Variants in SOAT2 observed in about 807,000 individuals in gnomAD.
SOAT2 encodes ACAT-2.
In SOAT2, 87 loss-of-function variants were observed where a neutral mutation model predicts 76.0. The ratio of observed to expected loss-of-function variants is 1.14; its 90% CI spans 0.96 to 1.37. SOAT2 has a LOEUF of 1.37. Among genes scored for constraint, SOAT2 ranks in the 40% most tolerant of loss-of-function variants. The pLI, the probability that SOAT2 is intolerant of heterozygous loss-of-function variation, is 0.00. For synonymous variants in SOAT2, 285 were observed against 275.4 expected (o/e 1.03, Z -0.34); for missense variants, 686 against 682.1 (o/e 1.01, Z -0.06).
chr12:53,121,794 T>TC (rs1491570041), intron 12 of SOAT2, among the ~76,000 whole-genome samples: 1 of 60,046 alleles, frequency 1.7e-5, no homozygotes, highest in Admixed American at 1.5e-4. Context: ...AGTAGCATGC[T>TC]TTTTTTTTTT....
At chr12:53,118,525 C>G in intron 8 of SOAT2, 91 bp downstream of exon 8, 1 of 870,774 alleles carries the variant, frequency 1.1e-6, no homozygotes, top group Non-Finnish European at 1.9e-6. Context: ...AGGCTCACCT[C>G]AGGCACTGGC....
At chr12:53,105,357 T>G in intron 3 of SOAT2, 114 bp downstream of exon 3, 4 of 1,371,106 alleles carry the variant, frequency 2.9e-6, no homozygotes, top group South Asian at 2.8e-5. Context: ...GCCTTCCCTC[T>G]TCCCCCCTTG....
chr12:53,115,873 A>T (rs1402319458), intron 6 of SOAT2, among the ~76,000 whole-genome samples: 5 of 152,234 alleles, frequency 3.3e-5, no homozygotes, highest in Non-Finnish European at 5.9e-5. Flanking sequence ...CCATCACAGG[A>T]GGTTGACCGG....
intron 2 of SOAT2, among the ~76,000 whole-genome samples, chr12:53,104,464 G>A (rs911551275): frequency 6.6e-6 from 1 of 151,842 alleles, no homozygotes; most frequent in African/African-American, 2.4e-5. Flanking sequence ...AGTAGAGACG[G>A]GGTTTCACCA....
chr12:53,123,734 T>G lies in SOAT2; in HGVS notation c.1379T>G (p.Leu460Trp). 6.2e-7 allele frequency: 1 copy of G among 1,614,096 alleles called. No homozygotes were observed. Among genetic ancestry groups the G allele is most frequent in the Non-Finnish European group, 8.5e-7 (1 of 1,179,992 alleles). Reference protein sequence around the residue: ...LILFLVIGGMLNFMMHDQRTG... With the variant: ...LILFLVIGGMWNFMMHDQRTG... ...ACCTTTCCTCCTGCACCAGGAATGTTGAACTTCATGATGCATGACCAGCGC... is the reference window on the plus strand; with the variant it reads ...ACCTTTCCTCCTGCACCAGGAATGTGGAACTTCATGATGCATGACCAGCGC... The change falls in exon 14 of 15, where the codon TTG (leucine) becomes TGG (tryptophan). Residue 460 changes from leucine (L) to tryptophan (W), a missense_variant. Leu to Trp is a moderately conservative substitution (Grantham distance 61). Transcript: ENST00000301466.
chr12:53,105,002 A>T (rs1454769297), intron 2 of SOAT2, 105 bp from the exon 3 acceptor site: 5 of 1,253,262 alleles, frequency 4.0e-6, no homozygotes, highest in Non-Finnish European at 3.2e-6. Flanking sequence ...TTTTTTTTAA[A>T]AAAAGCACTG....
chr12:53,115,280 C>T, intron 5 of SOAT2, 110 bp from the exon 6 acceptor site: 1 of 1,317,066 alleles, frequency 7.6e-7, no homozygotes, highest in Non-Finnish European at 1.0e-6. Flanking sequence ...ATGGGGAGCT[C>T]ACAACCTGAT....
At chr12:53,104,289 C>CT (rs777784995) in intron 2 of SOAT2, 83 bp downstream of exon 2, 28,395 of 515,880 alleles carry the variant, frequency 0.055, 51 homozygotes, top group Non-Finnish European at 0.064. Context: ...ATAAAGATGA[C>CT]TTTTTTTTTT....
intron 5 of SOAT2, among the ~76,000 whole-genome samples, chr12:53,109,004 C>T (rs1937974792): frequency 6.6e-6 from 1 of 152,146 alleles, no homozygotes; most frequent in Non-Finnish European, 1.5e-5. Context: ...TTTGGGAGGC[C>T]AAGGTGGGTG....
At chr12:53,118,969 C>T in intron 9 of SOAT2, 34 bp downstream of exon 9, 2 of 1,613,598 alleles carry the variant, frequency 1.2e-6, no homozygotes, top group Admixed American at 1.7e-5. Context: ...GGACCTGTGA[C>T]TCATGGTGGT....
Position 53,118,931 on chromosome 12 carries a change from C to G in SOAT2, c.905C>G (p.Ala302Gly), listed in dbSNP as rs999250134. ...VRWNYVAKNF[A>G]QALGCVLYAC... The stretch of plus-strand genomic sequence containing the variant: ...TGGAATTATGTGGCCAAGAACTTTG[C>G]CCAGGTGAGAAGATAGGGTAGAAGG... The change falls in exon 9 of 15, where the codon GCC becomes GGC. Residue 302 changes from alanine (A) to glycine (G), a missense_variant. By Grantham distance (60) the Ala-to-Gly change is moderately conservative. Coordinates refer to ENST00000301466, the MANE Select transcript of SOAT2 (RefSeq NM_003578.4). 3.7e-6 allele frequency: 6 copies of G among 1,614,036 alleles called. No individual in the cohort carries two copies. The highest frequency in any genetic ancestry group is 2.2e-5 in the East Asian group (1 of 44,874).
At position 53,121,334 on chromosome 12, in the gene SOAT2, A is replaced by G; in HGVS notation, c.1169A>G (p.Tyr390Cys). ...DWWNSTSFSN[Y>C]YRTWNVVVHD... The stretch of plus-strand genomic sequence containing the variant: ...TGGAACTCAACGTCCTTCTCCAACT[A>G]CTACCGCACTTGGAACGTGGTGGTC... The change falls in exon 12 of 15, where the codon TAC becomes TGC. Residue 390 changes from tyrosine to cysteine, a missense_variant. Tyr to Cys is a radical substitution (Grantham distance 194). Transcript: ENST00000301466. 1.9e-6 allele frequency: 3 copies of G among 1,613,886 alleles called. No homozygotes were observed. Among genetic ancestry groups the G allele is most frequent in the Non-Finnish European group, 2.5e-6 (3 of 1,179,798 alleles).
At chr12:53,106,364 G>A (rs1326730723) in intron 5 of SOAT2, among the ~76,000 whole-genome samples, 3 of 152,232 alleles carry the variant, frequency 2.0e-5, no homozygotes, top group Non-Finnish European at 2.9e-5. Context: ...CACCTCCCGA[G>A]TACCAGTCCT....
In SOAT2 at chr12:53,107,142, A is replaced by G. The variant is rs147358195; in HGVS notation, c.443+1128A>G. On this transcript the variant is annotated intron_variant, in intron 5 of 14. Transcript: ENST00000301466. Reference sequence around the variant, plus strand: ...CTGCTTGTCACAGTCCCCACTGTCAATTTACACGATTTTTATCATGCATGG... The same window carrying G: ...CTGCTTGTCACAGTCCCCACTGTCAGTTTACACGATTTTTATCATGCATGG... Among the ~76,000 whole-genome samples the G allele has an allele frequency of 3.8e-3, 583 of 152,242 alleles. 2 individuals are homozygous for G. The highest frequency in any genetic ancestry group is 0.013 in the African/African-American group (539 of 41,534).
Position 53,123,873 on chromosome 12 carries a change from G to C in SOAT2, c.1518G>C (p.Gln506His). 1 of 1,614,020 alleles carries C rather than the reference G, an allele frequency of 6.2e-7. No individual in the cohort carries two copies. Among genetic ancestry groups the C allele is most frequent in the Non-Finnish European group, 8.5e-7 (1 of 1,180,010 alleles). The change falls in exon 14 of 15, where the codon CAG becomes CAC. Residue 506 changes from glutamine (Q) to histidine (H), a missense_variant and splice_region_variant. By Grantham distance (24) the Gln-to-His change is conservative (BLOSUM62 0). Coordinates refer to ENST00000301466, the MANE Select transcript of SOAT2 (RefSeq NM_003578.4). ...CACGGCGGCACTGCCCCTTACCCCAGGTAAGAGACCACAACCCTCATCCAG... is the reference window on the plus strand; with the variant it reads ...CACGGCGGCACTGCCCCTTACCCCACGTAAGAGACCACAACCCTCATCCAG... ...WYARRHCPLP[Q>H]ATFWGLVTPR...
chr12:53,105,287 T>A (rs763361359), intron 3 of SOAT2, 44 bp downstream of exon 3: 45 of 1,579,908 alleles, frequency 2.8e-5, no homozygotes, highest in Non-Finnish European at 2.6e-6. Context: ...GTAGCAAGGA[T>A]CATGAGCTAG....
At chr12:53,122,250 A>T (rs1271197736) in intron 12 of SOAT2, among the ~76,000 whole-genome samples, 1 of 132,956 alleles carries the variant, frequency 7.5e-6, no homozygotes, top group Non-Finnish European at 1.6e-5. Flanking sequence ...TAAACATCTT[A>T]AAAGCAAATT....
intron 12 of SOAT2, among the ~76,000 whole-genome samples, chr12:53,121,793 CTTTTTTTTTTTTTTT>C (rs56848843): frequency 7.0e-5 from 4 of 56,860 alleles, no homozygotes; most frequent in African/African-American, 2.4e-4. Context: ...TAGTAGCATG[CTTTTTTTTTTTTTTT>C]TTTTTTTTTT....
rs374633223 is a variant in SOAT2 at position 53,115,411 on chromosome 12, A to C, written c.465A>C (p.Leu155=). The change falls in exon 6 of 15, where the codon CTA becomes CTC. Residue 155 remains leucine (L), a synonymous_variant. Coordinates refer to ENST00000301466, the MANE Select transcript of SOAT2 (RefSeq NM_003578.4). The part of the protein sequence containing the change: ...DEGRLLLEFD[L]LIFSFGQLPL... ...CAAGGCTGCTGCTGGAGTTTGACCT[A>C]CTGATCTTCAGCTTCGGACAGCTGC... 2 of 1,609,152 alleles carry C rather than the reference A, an allele frequency of 1.2e-6. No individual in the cohort carries two copies. Among genetic ancestry groups the C allele is most frequent in the African/African-American group, 1.3e-5 (1 of 74,888 alleles).
Sources: gnomAD v4.1 joint callset for allele counts (sites outside exome capture counted in the v4.1 genomes callset) on GRCh38, gnomAD v4.1.1 for gene constraint, MANE v1.5 for transcripts, NCBI Gene and HGNC (gene_info 2026-07-23, HGNC 2026-07-21) for gene names.